The following CNTN4 variants were observed in gnomAD, a reference collection of about 807,000 sequenced individuals.
CNTN4 encodes the protein contactin-4.
A neutral mutation model predicts 122.5 loss-of-function variants in CNTN4; 77 were observed. The ratio of observed to expected loss-of-function variants is 0.63; its 90% confidence interval spans 0.52 to 0.76. The LOEUF is 0.76. CNTN4 is among the 30% of genes least tolerant of loss of function. The pLI is 0.00. For synonymous variants in CNTN4, 512 were observed against 447.0 expected, an observed-to-expected ratio of 1.15 and a Z score of -1.83; for missense variants, 1,256 against 1,259.1, an observed-to-expected ratio of 1.00 and a Z score of 0.04.
At chr3:2,573,365 T>G (rs902641752) in intron 4 of CNTN4, among the ~76,000 whole-genome samples, 1 of 152,184 alleles carries the variant, frequency 6.6e-6, no homozygotes, top group Non-Finnish European at 1.5e-5. Context: ...GTGATATTAT[T>G]TATTTCCCCC....
intron 3 of CNTN4, among the ~76,000 whole-genome samples, chr3:2,541,523 T>C (rs577630069): frequency 5.4e-4 from 82 of 152,206 alleles, no homozygotes; most frequent in African/African-American, 1.9e-3. Flanking sequence ...CTAAAGTGGG[T>C]ACAATAGAAG....
Position 2,709,585 on chromosome 3 carries a change from A to G in CNTN4, c.56-26630A>G, listed in dbSNP as rs1234236377. Among the ~76,000 whole-genome samples the G allele has an allele frequency of 2.0e-5, 3 of 152,196 alleles. No homozygotes were observed. The highest frequency in any genetic ancestry group is 2.0e-4 in the Admixed American group (3 of 15,276). On this transcript the variant is annotated intron_variant, in intron 4 of 24. Transcript: ENST00000418658. The surrounding 1 kb of genome is among the most constrained non-coding windows in gnomAD (Gnocchi z 5.0). Reference sequence around the variant, plus strand: ...AATTCCATAAAATGAACAATTTCACATATTGAAAAATGTTTTTAATAATTA... The same window carrying G: ...AATTCCATAAAATGAACAATTTCACGTATTGAAAAATGTTTTTAATAATTA...
chr3:2,433,470 A>T lies in CNTN4; in HGVS notation c.-89+94237A>T, dbSNP rs1019921585. On this transcript the variant is annotated intron_variant, in intron 3 of 24. Coordinates refer to ENST00000418658, the MANE Select transcript of CNTN4 (RefSeq NM_175607.3). Reference sequence around the variant, plus strand: ...GTCTATTTAGGTGGCTCATTTTTTTATTAGGTTATTTGTGGGTTTTTTTGC... The same window carrying T: ...GTCTATTTAGGTGGCTCATTTTTTTTTTAGGTTATTTGTGGGTTTTTTTGC... Among the ~76,000 whole-genome samples, 3 of 146,446 alleles carry T rather than the reference A, an allele frequency of 2.0e-5. No homozygotes were observed. The Admixed American group carries it at 2.1e-4, about 10-fold the overall frequency.
At chr3:3,040,322 A>G (rs1355610645) in intron 20 of CNTN4, 51 bp downstream of exon 20, 1 of 1,373,262 alleles carries the variant, frequency 7.3e-7, no homozygotes, top group East Asian at 2.3e-5. Flanking sequence ...CTTCAATTCT[A>G]AAATGTGGAT....
intron 2 of CNTN4, among the ~76,000 whole-genome samples, chr3:2,271,408 C>A (rs1441367965): frequency 6.6e-6 from 1 of 152,046 alleles, no homozygotes; most frequent in Admixed American, 6.6e-5. Flanking sequence ...TACATGGATT[C>A]AATTTCTGTC....
intron 4 of CNTN4, among the ~76,000 whole-genome samples, chr3:2,712,666 A>G (rs2087223942): frequency 6.6e-6 from 1 of 152,202 alleles, no homozygotes; most frequent in Non-Finnish European, 1.5e-5. Flanking sequence ...TCTGTATGCT[A>G]ATGTTGACTG....
chr3:2,610,232 T>A (rs2081423176), intron 4 of CNTN4, among the ~76,000 whole-genome samples: 1 of 152,228 alleles, frequency 6.6e-6, no homozygotes, highest in Non-Finnish European at 1.5e-5. Flanking sequence ...CTCACTTCCA[T>A]TCTTGAAATT....
chr3:2,153,072 T>C (rs1321282885), intron 2 of CNTN4, among the ~76,000 whole-genome samples: 1 of 152,202 alleles, frequency 6.6e-6, no homozygotes, highest in Non-Finnish European at 1.5e-5. Context: ...TGGTCTGTTA[T>C]GCAGAAGTTT....
At chr3:3,031,898 A>G (rs897252901) in intron 16 of CNTN4, among the ~76,000 whole-genome samples, 1 of 152,192 alleles carries the variant, frequency 6.6e-6, no homozygotes, top group Non-Finnish European at 1.5e-5. Flanking sequence ...GAAAATAAAA[A>G]TTTAGGGTAT....
At chr3:2,337,381 A>G (rs898262445) in intron 2 of CNTN4, among the ~76,000 whole-genome samples, 6 of 152,158 alleles carry the variant, frequency 3.9e-5, no homozygotes, top group Non-Finnish European at 8.8e-5. Context: ...CATGCATGAA[A>G]CTATCCATAA....
chr3:2,671,778 T>G (rs938395238), intron 4 of CNTN4, among the ~76,000 whole-genome samples: 21 of 152,194 alleles, frequency 1.4e-4, no homozygotes, highest in African/African-American at 5.1e-4. Context: ...GGGGTTTTGG[T>G]GTGGATGTCC....
chr3:2,505,238 A>G (rs1575791451), intron 3 of CNTN4, among the ~76,000 whole-genome samples: 1 of 152,184 alleles, frequency 6.6e-6, no homozygotes, highest in Admixed American at 6.5e-5. Flanking sequence ...AATGAGTATG[A>G]CAGAGAGAGA....
At chr3:2,696,070 T>C (rs1446065156) in intron 4 of CNTN4, among the ~76,000 whole-genome samples, 1 of 152,234 alleles carries the variant, frequency 6.6e-6, no homozygotes, top group Non-Finnish European at 1.5e-5. Context: ...TGTATGTAAA[T>C]ACATTCTGAT....
At chr3:2,179,454 AC>A (rs2036910385) in intron 2 of CNTN4, among the ~76,000 whole-genome samples, 1 of 151,930 alleles carries the variant, frequency 6.6e-6, no homozygotes, top group South Asian at 2.1e-4. Flanking sequence ...GAGATAATAA[AC>A]TTCAACTTCC....
Position 2,515,122 on chromosome 3 carries a change from A to G in CNTN4, c.-88-56294A>G, listed in dbSNP as rs538408317. ...CCTGTTTGCGGCTTTCTCTTATGAT[A>G]GTTCATTGAAGTATCAATGACTTAC... is the stretch of plus-strand genomic sequence containing the variant. On this transcript the variant is annotated intron_variant, in intron 3 of 24. Coordinates refer to ENST00000418658, the MANE Select transcript of CNTN4 (RefSeq NM_175607.3). Among the ~76,000 whole-genome samples the G allele has an allele frequency of 2.0e-5, 3 of 152,264 alleles. No individual in the cohort carries two copies. The South Asian group carries it at 6.2e-4, about 32-fold the overall frequency.
Position 2,348,986 on chromosome 3 carries a change from A to G in CNTN4, c.-89+9753A>G, listed in dbSNP as rs373053048. Among the ~76,000 whole-genome samples, 9 of 152,338 alleles carry G rather than the reference A, an allele frequency of 5.9e-5. No homozygotes were observed. The South Asian group carries it at 1.7e-3, about 28-fold the overall frequency. On this transcript the variant is annotated intron_variant, in intron 3 of 24. Coordinates refer to ENST00000418658, the MANE Select transcript of CNTN4 (RefSeq NM_175607.3). ...CTCTTCTCCAAGCTAAGCAAGTTTA[A>G]ATCTGATGAGCTTTTAGGAAAGATA...
intron 2 of CNTN4, among the ~76,000 whole-genome samples, chr3:2,152,276 G>A (rs1030779649): frequency 1.3e-5 from 2 of 152,196 alleles, no homozygotes; most frequent in Admixed American, 6.5e-5. Context: ...CTGGAACAGA[G>A]TGAGTGAGAT....
At chr3:2,933,024 G>A (rs948719624) in intron 13 of CNTN4, among the ~76,000 whole-genome samples, 13 of 152,026 alleles carry the variant, frequency 8.6e-5, no homozygotes, top group South Asian at 4.2e-4. Flanking sequence ...AAGTTTCACC[G>A]TGTTAGCCAG....
intron 2 of CNTN4, among the ~76,000 whole-genome samples, chr3:2,116,527 C>T (rs1255035095): frequency 6.6e-6 from 1 of 152,144 alleles, no homozygotes; most frequent in Non-Finnish European, 1.5e-5. Flanking sequence ...GTTGAATAGG[C>T]TCCCCATGTG....
Sources: allele counts gnomAD v4.1 joint callset (sites outside exome capture counted in the v4.1 genomes callset), GRCh38; gene constraint gnomAD v4.1.1; non-coding constraint Gnocchi (gnomAD v3.1); transcripts MANE v1.5; gene names NCBI Gene and HGNC (gene_info 2026-07-23, HGNC 2026-07-21).